Variants in STAG1 observed in about 807,000 individuals in gnomAD.
STAG1 encodes the protein cohesin subunit SA-1.
In STAG1, 26 loss-of-function variants were observed where a neutral mutation model predicts 170.9. The ratio of observed to expected loss-of-function variants is 0.15; its 90% CI spans 0.11 to 0.21. The LOEUF is 0.21. STAG1 is among the 10% of genes least tolerant of loss of function. The pLI, the probability that STAG1 is intolerant of heterozygous loss-of-function variation, is 1.00. For missense variants in STAG1, 964 were observed against 1,509.5 expected (o/e 0.64, Z 5.99); for synonymous variants, 514 against 497.7 (o/e 1.03, Z -0.44).
At chr3:136,517,875 C>A (rs1934462333) in intron 7 of STAG1, among the ~76,000 whole-genome samples, 1 of 151,814 alleles carries the variant, frequency 6.6e-6, no homozygotes, top group African/African-American at 2.4e-5. Flanking sequence ...ATAACTAGGA[C>A]AGTATGTTTG....
chr3:136,462,473 G>A (rs1219810126), intron 13 of STAG1, among the ~76,000 whole-genome samples: 3 of 152,052 alleles, frequency 2.0e-5, no homozygotes, highest in African/African-American at 4.8e-5. Flanking sequence ...ACTTTAATGT[G>A]GGAGCTAAAA....
At chr3:136,559,385 T>C (rs1433033494) in intron 5 of STAG1, among the ~76,000 whole-genome samples, 1 of 151,526 alleles carries the variant, frequency 6.6e-6, no homozygotes, top group Non-Finnish European at 1.5e-5. Context: ...AAAAGAAAAA[T>C]AACAATTAAA....
chr3:136,500,952 T>C (rs1933433171), intron 8 of STAG1, among the ~76,000 whole-genome samples: 2 of 152,340 alleles, frequency 1.3e-5, no homozygotes, highest in Admixed American at 1.3e-4. Context: ...CAAGGTGGTA[T>C]CTACTATTCT....
rs958623098 is a variant in STAG1 at position 136,336,294 on chromosome 3, GA to G, written c.*1959del. 2 of 151,480 alleles carry G rather than the reference GA, an allele frequency of 1.3e-5. No individual in the cohort carries two copies. The highest frequency in any genetic ancestry group is 2.4e-5 in the African/African-American group (1 of 41,236). 9.4% of individuals were successfully genotyped at this position (151,480 alleles called of 1,614,324 possible). ...GCATCAGTTTCAAATTGTACAAAAG[GA>G]AAAAAAACCTCATATTGCAAATGTA... is the stretch of plus-strand genomic sequence containing the variant. On this transcript the variant is annotated 3_prime_UTR_variant, in exon 34 of 34. Coordinates refer to ENST00000383202, the MANE Select transcript of STAG1 (RefSeq NM_005862.3).
intron 1 of STAG1, among the ~76,000 whole-genome samples, chr3:136,648,698 C>G (rs145033607): frequency 1.7e-3 from 255 of 152,190 alleles, no homozygotes; most frequent in African/African-American, 5.8e-3. Context: ...TTCTACCTAC[C>G]CTTCTTCCCC....
intron 1 of STAG1, among the ~76,000 whole-genome samples, chr3:136,674,021 T>G (rs1460615243): frequency 6.7e-6 from 1 of 148,506 alleles, no homozygotes; most frequent in African/African-American, 2.5e-5. Flanking sequence ...GAGAATCACT[T>G]GAACCTGGGA....
intron 7 of STAG1, among the ~76,000 whole-genome samples, chr3:136,516,281 T>C (rs1486506440): frequency 6.6e-6 from 1 of 152,054 alleles, no homozygotes; most frequent in Non-Finnish European, 1.5e-5. Context: ...GGCCATGGTA[T>C]GCAAACTGCT....
rs752013852 is a variant in STAG1 at position 136,344,113 on chromosome 3, CT to C, written c.3272-108del. The C allele has an allele frequency of 1.1e-5, 8 of 749,238 alleles. 1 individual carries two copies. The African/African-American group carries it at 1.3e-4, about 12-fold the overall frequency. 46.4% of individuals were successfully genotyped at this position (749,238 alleles called of 1,614,324 possible). On this transcript the variant is annotated intron_variant, in intron 29 of 33. Coordinates refer to ENST00000383202, the MANE Select transcript of STAG1 (RefSeq NM_005862.3). ...TGTGGCTCTGCAGTCAGACTGCCCACTTTAAATCTCAGTTCCACCACTTACT... is the reference window on the plus strand; with the variant it reads ...TGTGGCTCTGCAGTCAGACTGCCCACTTAAATCTCAGTTCCACCACTTACT...
chr3:136,442,324 A>C (rs569123069), intron 15 of STAG1, among the ~76,000 whole-genome samples: 21 of 152,358 alleles, frequency 1.4e-4, no homozygotes, highest in African/African-American at 4.8e-4. Context: ...CCAATTCTTT[A>C]AAGTACTATT....
At chr3:136,650,578 C>T (rs919412972) in intron 1 of STAG1, among the ~76,000 whole-genome samples, 4 of 152,170 alleles carry the variant, frequency 2.6e-5, no homozygotes, top group African/African-American at 9.7e-5. Context: ...CCTCCCAGGG[C>T]CTACCCAAAT....
chr3:136,405,791 CAAAAAAAAAAAAAAAAAAAAA>C (rs34952291), intron 21 of STAG1, among the ~76,000 whole-genome samples: 2 of 50,080 alleles, frequency 4.0e-5, no homozygotes, highest in Non-Finnish European at 6.5e-5. Context: ...ACTCTATCTC[CAAAAAAAAAAAAAAAAAAAAA>C]AAAAAAAAAG....
chr3:136,728,018 G>A (rs1219425274), intron 1 of STAG1, among the ~76,000 whole-genome samples: 1 of 152,036 alleles, frequency 6.6e-6, no homozygotes, highest in Non-Finnish European at 1.5e-5. Context: ...AATTAGCCAG[G>A]TGTGGTGGTG....
rs1935733891 is a variant in STAG1 at position 136,337,498 on chromosome 3, CTA to C, written c.*754_*755del. The C allele has an allele frequency of 6.6e-6, 1 of 152,598 alleles. No individual in the cohort carries two copies. The highest frequency in any genetic ancestry group is 2.4e-5 in the African/African-American group (1 of 41,436). The allele number at this position is 152,598 out of a possible 1,614,324, so 9.5% of individuals were successfully genotyped here. On this transcript the variant is annotated 3_prime_UTR_variant, in exon 34 of 34. Transcript: ENST00000383202. Reference sequence around the variant, plus strand: ...TGCACTGTATTTGAATCTCCCTAGTCTATATAAAATGAACGGTGTACAGCATC... The same window carrying C: ...TGCACTGTATTTGAATCTCCCTAGTCTATAAAATGAACGGTGTACAGCATC...
chr3:136,672,997 G>C (rs1175755483), intron 1 of STAG1, among the ~76,000 whole-genome samples: 1 of 152,176 alleles, frequency 6.6e-6, no homozygotes, highest in Non-Finnish European at 1.5e-5. Flanking sequence ...TATACTGAAA[G>C]TAACTTTCCA....
chr3:136,513,802 A>G (rs1217811290), intron 7 of STAG1, among the ~76,000 whole-genome samples: 1 of 152,182 alleles, frequency 6.6e-6, no homozygotes, highest in Non-Finnish European at 1.5e-5. Context: ...AAAAGGAGAG[A>G]ACAAATTAAG....
At chr3:136,553,711 T>C (rs934712941) in intron 5 of STAG1, among the ~76,000 whole-genome samples, 1 of 152,190 alleles carries the variant, frequency 6.6e-6, no homozygotes, top group Admixed American at 6.5e-5. Flanking sequence ...GAGGCAGAGA[T>C]TGCCGTGAGC....
intron 4 of STAG1, among the ~76,000 whole-genome samples, chr3:136,581,952 T>C (rs936571492): frequency 1.4e-4 from 22 of 152,210 alleles, no homozygotes; most frequent in African/African-American, 4.1e-4. Context: ...TGTGTGATAC[T>C]TTCTTCTCTT....
At chr3:136,645,883 T>TA (rs1374214880) in intron 1 of STAG1, among the ~76,000 whole-genome samples, 14 of 152,330 alleles carry the variant, frequency 9.2e-5, no homozygotes, top group African/African-American at 3.1e-4. Flanking sequence ...ATCTGCATCT[T>TA]AGTCTTATTT....
At chr3:136,603,680 C>T (rs1028541862) in intron 4 of STAG1, among the ~76,000 whole-genome samples, 30 of 152,046 alleles carry the variant, frequency 2.0e-4, no homozygotes, top group African/African-American at 6.0e-4. Flanking sequence ...GTCAGCAGAT[C>T]GAGATCATCC....
Sources: gnomAD v4.1 joint callset for allele counts (sites outside exome capture counted in the v4.1 genomes callset) on GRCh38, gnomAD v4.1.1 for gene constraint, MANE v1.5 for transcripts, NCBI Gene and HGNC (gene_info 2026-07-23, HGNC 2026-07-21) for gene names.